The following LIFR variants were observed in gnomAD, a reference collection of about 807,000 sequenced individuals.
LIFR encodes the protein LIF receptor subunit alpha, also known as leukemia inhibitory factor receptor.
Under a neutral mutation model 122.2 loss-of-function variants are expected in LIFR, and 84 were observed. The observed-to-expected ratio is 0.69, with a 90% confidence interval of 0.58 to 0.82. The LOEUF is 0.82. LIFR is among the 40% of genes least tolerant of loss of function. The probability of loss-of-function intolerance (pLI) is 0.00; values close to 1 mark genes in which losing one functional copy is unlikely to be tolerated. For missense variants in LIFR, 1,294 were observed against 1,311.6 expected, an observed-to-expected ratio of 0.99 and a Z score of 0.21; for synonymous variants, 422 against 434.7, an observed-to-expected ratio of 0.97 and a Z score of 0.36.
chr5:38,555,082 A>C (rs1748443804), intron 1 of LIFR: 1 of 152,226 alleles, frequency 6.6e-6, no homozygotes, highest in Non-Finnish European at 1.5e-5. Context: ...AACACATCAT[A>C]TATTTAAATT....
chr5:38,532,509 A>G (rs1241705345), intron 1 of LIFR, among the ~76,000 whole-genome samples: 1 of 152,218 alleles, frequency 6.6e-6, no homozygotes, highest in Non-Finnish European at 1.5e-5. Flanking sequence ...CTATGCCAGC[A>G]ACAGCCACGG....
At chr5:38,489,525 T>TGGCTA (rs1744461203) in intron 15 of LIFR, among the ~76,000 whole-genome samples, 1 of 152,224 alleles carries the variant, frequency 6.6e-6, no homozygotes, top group Admixed American at 6.5e-5. Flanking sequence ...AATCTTTCAG[T>TGGCTA]GGCTATTCAG....
intron 1 of LIFR, 47 bp from the exon 2 acceptor site, chr5:38,530,713 G>A: frequency 4.7e-6 from 7 of 1,478,174 alleles, no homozygotes; most frequent in Non-Finnish European, 6.6e-6. Context: ...TGTTCTGAAG[G>A]CTCACCTTAT....
chr5:38,545,758 A>G (rs1375216414), intron 1 of LIFR, among the ~76,000 whole-genome samples: 1 of 150,372 alleles, frequency 6.7e-6, no homozygotes, highest in East Asian at 2.0e-4. Flanking sequence ...GCTATGTGGG[A>G]GGCTGAGGCA....
At chr5:38,603,339 C>T (rs1014171102) in intron 2 of LIFR, among the ~76,000 whole-genome samples, 12 of 152,058 alleles carry the variant, frequency 7.9e-5, no homozygotes, top group Non-Finnish European at 1.0e-4. Context: ...ACGGATTTGC[C>T]GCTGGTAACT....
intron 1 of LIFR, among the ~76,000 whole-genome samples, chr5:38,588,565 G>A (rs1580236543): frequency 6.6e-6 from 1 of 152,148 alleles, no homozygotes; most frequent in Admixed American, 6.5e-5. Flanking sequence ...AATGTTACAT[G>A]TGGTTGGAGT....
chr5:38,593,965 G>A (rs894406069), intron 1 of LIFR, among the ~76,000 whole-genome samples: 11 of 152,100 alleles, frequency 7.2e-5, no homozygotes, highest in Non-Finnish European at 1.3e-4. Flanking sequence ...TTTTGTTACA[G>A]CAGCCTAAAC....
chr5:38,493,177 A>G (rs1003787263), intron 14 of LIFR, among the ~76,000 whole-genome samples: 26 of 151,012 alleles, frequency 1.7e-4, no homozygotes, highest in Admixed American at 6.6e-5. Flanking sequence ...AAACAAGGCA[A>G]AGGCCCTTGT....
At chr5:38,548,833 G>A (rs564826075) in intron 1 of LIFR, among the ~76,000 whole-genome samples, 4 of 152,148 alleles carry the variant, frequency 2.6e-5, no homozygotes, top group Admixed American at 2.6e-4. Context: ...AAAATAGTTT[G>A]TCAGAATGCC....
In LIFR at chr5:38,567,545, T is replaced by TA. The variant is rs1561215418; in HGVS notation, c.-20+27715_-20+27716insT. 2.4e-4 allele frequency among the ~76,000 whole-genome samples: 36 copies of TA among 151,436 alleles called. 1 individual carries two copies. In the East Asian group the frequency reaches 4.5e-3, roughly 19 times the overall value. On this transcript the variant is annotated intron_variant, in intron 1 of 19. Transcript: ENST00000263409. ...TTATTTATTTATTTATTTATTTATT[T>TA]TGAAGACTGAGTCTCACTCTGTTGC...
Position 38,502,766 on chromosome 5 carries a change from T to C in LIFR, c.1471A>G (p.Ser491Gly), listed in dbSNP as rs1372179014. The C allele has an allele frequency of 6.8e-6, 11 of 1,607,278 alleles. No homozygotes were observed. Among genetic ancestry groups the C allele is most frequent in the East Asian group, 2.2e-5 (1 of 44,796 alleles). ...AACTTGTCCAGAGCAACAAGATAAC[T>C]TGAATTTTCTACTCCTTTGATTGTG... is the stretch of plus-strand genomic sequence containing the variant. ...NVTIKGVENS[S>G]YLVALDKLNP... Residue 491 changes from serine to glycine, a missense_variant, in exon 11 of 20, where the codon AGT becomes GGT. Physicochemically the swap from Ser to Gly is moderately conservative, Grantham distance 56 (BLOSUM62 0). Coordinates refer to ENST00000453190, the MANE Select transcript of LIFR (RefSeq NM_001127671.2).
chr5:38,498,657 C>T (rs533174692), intron 12 of LIFR, among the ~76,000 whole-genome samples: 1 of 152,096 alleles, frequency 6.6e-6, no homozygotes, highest in African/African-American at 2.4e-5. Flanking sequence ...CTTAAGTTTT[C>T]GTCTAGTTTG....
intron 1 of LIFR, among the ~76,000 whole-genome samples, chr5:38,562,043 G>A (rs1443526918): frequency 2.6e-5 from 4 of 152,178 alleles, no homozygotes; most frequent in African/African-American, 9.7e-5. Context: ...GTTGGGGATC[G>A]TGGGAGCACC....
intron 5 of LIFR, among the ~76,000 whole-genome samples, chr5:38,512,699 GA>G (rs1745865854): frequency 1.3e-5 from 2 of 151,940 alleles, no homozygotes; most frequent in Admixed American, 6.6e-5. Flanking sequence ...ATGCTCCAGT[GA>G]GCATTTCCTT....
chr5:38,523,345 C>T, intron 5 of LIFR, 74 bp downstream of exon 5: 2 of 1,212,584 alleles, frequency 1.6e-6, no homozygotes, highest in South Asian at 1.4e-5. Flanking sequence ...TCACTGATAC[C>T]ACCTTAAGGC....
chr5:38,545,919 T>C (rs189252479), intron 1 of LIFR, among the ~76,000 whole-genome samples: 53 of 138,310 alleles, frequency 3.8e-4, no homozygotes, highest in Admixed American at 1.3e-3. Flanking sequence ...AAATAATGGA[T>C]AAATCACAAA....
intron 1 of LIFR, among the ~76,000 whole-genome samples, chr5:38,553,460 C>T (rs1378276155): frequency 6.6e-6 from 1 of 151,286 alleles, no homozygotes; most frequent in Non-Finnish European, 1.5e-5. Flanking sequence ...TGTGCAGTGC[C>T]ATAATTTAGT....
intron 1 of LIFR, among the ~76,000 whole-genome samples, chr5:38,581,378 C>T (rs1423442307): frequency 2.0e-5 from 3 of 152,164 alleles, no homozygotes; most frequent in Non-Finnish European, 2.9e-5. Context: ...TCTCTAAACG[C>T]GGAGTCTACA....
At position 38,506,706 on chromosome 5, in the gene LIFR, A is replaced by G. The variant is rs561586982; in HGVS notation, c.992-74T>C. ...AAAACATAATATTTTATAAACGTCA[A>G]TGTTTTCCACAATTTCCTAAAAAAT... On this transcript the variant is annotated intron_variant, in intron 7 of 19. Coordinates refer to ENST00000453190, the MANE Select transcript of LIFR (RefSeq NM_001127671.2). 2.4e-6 allele frequency: 3 copies of G among 1,268,976 alleles called. No homozygotes were observed. The East Asian group carries it at 7.1e-5, about 30-fold the overall frequency. The allele number at this position is 1,268,976 out of a possible 1,614,324, so 78.6% of individuals were successfully genotyped here.
Sources: allele counts gnomAD v4.1 joint callset (sites outside exome capture counted in the v4.1 genomes callset), GRCh38; gene constraint gnomAD v4.1.1; transcripts MANE v1.5; gene names NCBI Gene and HGNC (gene_info 2026-07-23, HGNC 2026-07-21).